TICRR: variants seen among roughly 807,000 people sequenced by gnomAD.
TICRR encodes TOPBP1 interacting checkpoint and replication regulator, also known as treslin.
Under a neutral mutation model 178.1 loss-of-function variants are expected in TICRR, and 132 were observed. The ratio of observed to expected loss-of-function variants is 0.74; its 90% CI spans 0.64 to 0.86. The LOEUF (loss-of-function observed/expected upper bound fraction) is 0.86, where lower values mean the gene tolerates loss of function less well. Ranked by LOEUF, TICRR falls within the 40% of genes least tolerant of loss-of-function variation. TICRR has a pLI of 0.00. For synonymous variants in TICRR, 991 were observed against 900.7 expected (o/e 1.10, Z -1.79); for missense variants, 2,587 against 2,334.3 (o/e 1.11, Z -2.23).
chr15:89,609,027 C>T, intron 15 of TICRR, 78 bp downstream of exon 15: 2 of 1,331,772 alleles, frequency 1.5e-6, no homozygotes, highest in Non-Finnish European at 2.0e-6. Flanking sequence ...TCTTTCTTTC[C>T]TGATTTAGTA....
At chr15:89,577,577 C>T (rs1962645903) in intron 1 of TICRR, among the ~76,000 whole-genome samples, 1 of 130,862 alleles carries the variant, frequency 7.6e-6, no homozygotes, top group South Asian at 2.6e-4. Flanking sequence ...TTATTGTATA[C>T]AGAGTGGTAG....
intron 4 of TICRR, chr15:89,591,742 T>C (rs1962916560): frequency 5.6e-6 from 1 of 178,918 alleles, no homozygotes; most frequent in African/African-American, 2.4e-5. Flanking sequence ...AAAAAATAAA[T>C]AAATAAAAAG....
chr15:89,575,730 G>T lies in TICRR; in HGVS notation c.144G>T (p.Lys48Asn), dbSNP rs1194565517. ...TGGCCAGGGTCCACTGGGCCTTCAA[G>T]TTCTTTGACTCGCAGGGGGCGCGGA... ...FGLARVHWAF[K>N]FFDSQGARSR... The change falls in exon 1 of 22, where the codon AAG becomes AAT. Residue 48 changes from lysine (K) to asparagine (N), a missense_variant. Coordinates refer to ENST00000268138, the MANE Select transcript of TICRR (RefSeq NM_152259.4). The T allele has an allele frequency of 1.2e-6, 2 of 1,610,380 alleles. No homozygotes were observed. The highest frequency in any genetic ancestry group is 2.2e-5 in the East Asian group (1 of 44,782).
Position 89,626,054 on chromosome 15 carries a change from C to T in TICRR, c.5595C>T (p.Asp1865=). Residue 1865 remains aspartate, a synonymous_variant, in exon 21 of 22, where the codon GAC becomes GAT. Transcript: ENST00000268138. ...AAACACCTTCCTCTCAGAGCAAAGA[C>T]CCCAGAGGTAATGTTTGTTGAAGGT... ...QGKTPSSQSK[D]PRDEDVDVLP... 1.2e-6 allele frequency: 2 copies of T among 1,613,828 alleles called. No individual in the cohort carries two copies. Among genetic ancestry groups the T allele is most frequent in the Non-Finnish European group, 1.7e-6 (2 of 1,179,858 alleles).
At chr15:89,604,591 A>T (rs1317993552) in intron 13 of TICRR, among the ~76,000 whole-genome samples, 13 of 152,294 alleles carry the variant, frequency 8.5e-5, no homozygotes, top group Non-Finnish European at 1.9e-4. Flanking sequence ...CCTAAGCAAC[A>T]TAGTGAGACC....
chr15:89,601,482 C>T lies in TICRR; in HGVS notation c.2248-7C>T, dbSNP rs376054104. 1.2e-6 allele frequency: 2 copies of T among 1,614,042 alleles called. No homozygotes were observed. The highest frequency in any genetic ancestry group is 1.3e-5 in the African/African-American group (1 of 74,940). ...TCTATATAGTAACGTTCTAAAATCT[C>T]CTTCAGGTGACAGATTTGCTGCGCA... On this transcript the variant is annotated splice_polypyrimidine_tract_variant and splice_region_variant and intron_variant, in intron 10 of 21. Coordinates refer to ENST00000268138, the MANE Select transcript of TICRR (RefSeq NM_152259.4).
intron 21 of TICRR, among the ~76,000 whole-genome samples, chr15:89,626,674 C>T (rs1032496437): frequency 1.3e-5 from 2 of 152,122 alleles, no homozygotes; most frequent in South Asian, 2.1e-4. Context: ...CCCCAGAGAT[C>T]TGAGACCTAG....
rs753833264 is a variant in TICRR, at chr15:89,584,319, C to A, written c.968C>A (p.Thr323Asn). ...GAGATTCAAGAAACATGGACAGTCA[C>A]CCTAGAGCCCTTGGCCATGCATCAG... ...GKEIQETWTV[T>N]LEPLAMHQRH... Residue 323 changes from threonine to asparagine, a missense_variant, in exon 3 of 22, where the codon ACC becomes AAC. By Grantham distance (65) the Thr-to-Asn change is moderately conservative. Transcript: ENST00000268138. 1.9e-5 allele frequency: 31 copies of A among 1,613,980 alleles called. No homozygotes were observed. The African/African-American group carries it at 2.9e-4, about 15-fold the overall frequency.
At chr15:89,611,062 A>C (rs971961594) in intron 15 of TICRR, among the ~76,000 whole-genome samples, 2 of 151,966 alleles carry the variant, frequency 1.3e-5, no homozygotes, top group South Asian at 2.1e-4. Context: ...TAAAAAAAAA[A>C]CAAAATTACC....
chr15:89,625,292 A>G lies in TICRR; in HGVS notation c.4982A>G (p.Gln1661Arg). 6.2e-7 allele frequency: 1 copy of G among 1,613,796 alleles called. No homozygotes were observed. The highest frequency in any genetic ancestry group is 8.5e-7 in the Non-Finnish European group (1 of 1,179,922). ...HGPSSTPSPF[Q>R]TDGVPWTPSP... ...CCTTCTAGTACCCCCTCTCCATTTC[A>G]AACAGATGGGGTTCCTTGGACACCA... Residue 1661 changes from glutamine to arginine, a missense_variant, in exon 20 of 22, where the codon CAA (glutamine) becomes CGA (arginine). Coordinates refer to ENST00000268138, the MANE Select transcript of TICRR (RefSeq NM_152259.4).
At chr15:89,603,607 A>AAATG (rs372772030) in intron 13 of TICRR, among the ~76,000 whole-genome samples, 40 of 152,342 alleles carry the variant, frequency 2.6e-4, no homozygotes, top group African/African-American at 8.4e-4. Flanking sequence ...ATGAATGAAT[A>AAATG]AATGAATGAA....
At chr15:89,621,891 A>C (rs1319602807) in intron 19 of TICRR, among the ~76,000 whole-genome samples, 1 of 151,412 alleles carries the variant, frequency 6.6e-6, no homozygotes, top group Admixed American at 6.6e-5. Context: ...CCATCCAGTC[A>C]CCAACATTAG....
In TICRR at chr15:89,624,223, C is replaced by G; in HGVS notation, c.3913C>G (p.Pro1305Ala). ...PGNSTVTSSP[P>A]VTPKKLFTSP... ...GAATTCAACTGTGACTTCTTCCCCA[C>G]CTGTTACGCCAAAGAAACTGTTTAC... is the stretch of plus-strand genomic sequence containing the variant. Residue 1305 changes from proline (P) to alanine (A), a missense_variant, in exon 20 of 22, where the codon CCT (proline) becomes GCT (alanine). By Grantham distance (27) the Pro-to-Ala change is conservative (BLOSUM62 -1). Coordinates refer to ENST00000268138, the MANE Select transcript of TICRR (RefSeq NM_152259.4). 6.2e-7 allele frequency: 1 copy of G among 1,614,196 alleles called. No individual in the cohort carries two copies. Among genetic ancestry groups the G allele is most frequent in the Non-Finnish European group, 8.5e-7 (1 of 1,180,042 alleles).
At chr15:89,581,160 A>C (rs1962717877) in intron 1 of TICRR, among the ~76,000 whole-genome samples, 1 of 152,206 alleles carries the variant, frequency 6.6e-6, no homozygotes, top group South Asian at 2.1e-4. Context: ...TACAATGGGA[A>C]GTTTGGGAAT....
At position 89,624,867 on chromosome 15, in the gene TICRR, G is replaced by C; in HGVS notation, c.4557G>C (p.Leu1519=). ...SPPSCGPGSP[L]MPSRDVHCTT... is the part of the protein sequence containing the mutation. ...CTTCCTGTGGGCCTGGCTCTCCTCT[G>C]ATGCCTTCCCGTGACGTGCACTGTA... The change falls in exon 20 of 22, where the codon CTG becomes CTC. Residue 1519 remains leucine, a synonymous_variant. Transcript: ENST00000268138. The C allele has an allele frequency of 6.2e-7, 1 of 1,614,018 alleles. No homozygotes were observed. Among genetic ancestry groups the C allele is most frequent in the Non-Finnish European group, 8.5e-7 (1 of 1,179,906 alleles).
chr15:89,592,640 A>T (rs2141959175), intron 5 of TICRR, among the ~76,000 whole-genome samples: 1 of 151,602 alleles, frequency 6.6e-6, no homozygotes, highest in South Asian at 2.1e-4. Context: ...ATAACAACAG[A>T]AATAAATAGA....
rs774158977 is a variant in TICRR, at chr15:89,625,920, T to C, written c.5477-16T>C. ...GGGTCTGGGGACGCTGCTCTTACTA[T>C]GTGGGATCTCTTTAGGCTCCACCCC... is the stretch of plus-strand genomic sequence containing the variant. On this transcript the variant is annotated splice_polypyrimidine_tract_variant and intron_variant, in intron 20 of 21. Transcript: ENST00000268138. 3 of 1,555,576 alleles carry C rather than the reference T, an allele frequency of 1.9e-6. No homozygotes were observed. Among genetic ancestry groups the C allele is most frequent in the South Asian group, 1.3e-5 (1 of 79,062 alleles).
At position 89,601,470 on chromosome 15, in the gene TICRR, G is replaced by A. The variant is rs56351352; in HGVS notation, c.2248-19G>A. 5,990 of 1,613,936 alleles carry A rather than the reference G, an allele frequency of 3.7e-3. 209 individuals carry two copies. The African/African-American group carries it at 0.069, about 18-fold the overall frequency. ...CTGCAGAGGGCATCTATATAGTAAC[G>A]TTCTAAAATCTCCTTCAGGTGACAG... On this transcript the variant is annotated intron_variant, in intron 10 of 21. Transcript: ENST00000268138.
At chr15:89,596,857 TTTTCTC>T (rs1200775174) in intron 7 of TICRR, among the ~76,000 whole-genome samples, 3 of 152,214 alleles carry the variant, frequency 2.0e-5, no homozygotes, top group African/African-American at 7.2e-5. Flanking sequence ...AGTCTGTACA[TTTTCTC>T]TTTAAGTATA....
Sources: allele counts gnomAD v4.1 joint callset (sites outside exome capture counted in the v4.1 genomes callset), GRCh38; gene constraint gnomAD v4.1.1; transcripts MANE v1.5; gene names NCBI Gene and HGNC (gene_info 2026-07-23, HGNC 2026-07-21).